WRAP73: variants seen among roughly 807,000 people sequenced by gnomAD.
The protein encoded by WRAP73 is WD repeat containing, antisense to TP73, also known as WD repeat-containing protein WRAP73.
Under a neutral mutation model 59.6 loss-of-function variants are expected in WRAP73, and 55 were observed. The observed-to-expected ratio is 0.92, with a 90% CI of 0.74 to 1.15. WRAP73 has a LOEUF of 1.15. Among genes scored for constraint, WRAP73 ranks in the 50% most tolerant of loss-of-function variants. The pLI, the probability that WRAP73 is intolerant of heterozygous loss-of-function variation, is 0.00. For synonymous variants in WRAP73, 265 were observed against 258.2 expected (o/e 1.03, Z -0.25); for missense variants, 592 against 608.1 (o/e 0.97, Z 0.28).
rs1570296217 is a variant in WRAP73, at chr1:3,635,282, G to A, written c.616C>T (p.Leu206=). 2.5e-6 allele frequency: 4 copies of A among 1,613,784 alleles called. No individual in the cohort carries two copies. The Admixed American group carries it at 6.7e-5, about 27-fold the overall frequency. The change falls in exon 7 of 12, where the codon CTG becomes TTG. Residue 206 remains leucine, a synonymous_variant. Transcript: ENST00000270708. ...WDTCLEYKIL[L]YSLDGRLLST... ...AACAACCGGCCATCCAATGAGTACA[G>A]CAGAATCTTGTACTGCAGATGAGAC... is the stretch of plus-strand genomic sequence containing the variant.
intron 3 of WRAP73, among the ~76,000 whole-genome samples, chr1:3,641,625 C>A (rs1449986036): frequency 6.6e-6 from 1 of 152,214 alleles, no homozygotes; most frequent in Non-Finnish European, 1.5e-5. Flanking sequence ...GCACGAGGAG[C>A]CCCATGCCAC....
intron 7 of WRAP73, 42 bp from the exon 8 acceptor site, chr1:3,635,116 C>T (rs1409895887): frequency 5.0e-6 from 8 of 1,614,066 alleles, no homozygotes; most frequent in Non-Finnish European, 4.2e-6. Context: ...GGGCCCGGCC[C>T]GCTGGGCGGT....
At chr1:3,640,362 G>A (rs1644627529) in intron 3 of WRAP73, among the ~76,000 whole-genome samples, 2 of 152,172 alleles carry the variant, frequency 1.3e-5, no homozygotes, top group Admixed American at 1.3e-4. Context: ...GACTCAGCAG[G>A]GTGGGTGCAG....
chr1:3,635,541 C>A, intron 6 of WRAP73: 1 of 572,312 alleles, frequency 1.7e-6, no homozygotes, highest in Non-Finnish European at 3.1e-6. Context: ...TTCAACTCGG[C>A]CGGGCACTGT....
chr1:3,632,030 T>C (rs1168846997), intron 10 of WRAP73, 183 bp downstream of exon 10: 2 of 1,483,600 alleles, frequency 1.3e-6, no homozygotes, highest in East Asian at 2.3e-5. Flanking sequence ...GACCTGCGGC[T>C]GCTGCAGGAC....
chr1:3,630,816 T>C lies in WRAP73; in HGVS notation c.*159A>G. On this transcript the variant is annotated 3_prime_UTR_variant, in exon 12 of 12. Transcript: ENST00000270708. The stretch of plus-strand genomic sequence containing the variant: ...TATTTTAAATAATAAAACTACAGTT[T>C]TATACCATACATATTTACAAAAATG... 1.1e-6 allele frequency: 1 copy of C among 896,352 alleles called. No individual in the cohort carries two copies. The highest frequency in any genetic ancestry group is 1.7e-6 in the Non-Finnish European group (1 of 596,778). The allele number at this position is 896,352 out of a possible 1,614,324, so 55.5% of individuals were successfully genotyped here. A position where few individuals can be genotyped will look rare whatever the true frequency, so the allele number is the denominator to read the frequency against.
intron 6 of WRAP73, 75 bp from the exon 7 acceptor site, chr1:3,635,369 A>G: frequency 6.3e-7 from 1 of 1,586,220 alleles, no homozygotes. Context: ...CGGGTGCTGC[A>G]GAGTGACATT....
At chr1:3,633,660 A>G (rs1441677519) in intron 8 of WRAP73, 157 bp from the exon 9 acceptor site, 3 of 611,894 alleles carry the variant, frequency 4.9e-6, no homozygotes, top group Non-Finnish European at 8.6e-6. Context: ...CGAACCCCGC[A>G]GTCCCGAGAG....
At chr1:3,645,446 C>A (rs1179734641) in intron 3 of WRAP73, among the ~76,000 whole-genome samples, 1 of 104,454 alleles carries the variant, frequency 9.6e-6, no homozygotes, top group Non-Finnish European at 2.4e-5. Flanking sequence ...CGGGTTGCCC[C>A]GTGGTGTGCG....
At position 3,642,737 on chromosome 1, in the gene WRAP73, C is replaced by CAA. The variant is rs35743795; in HGVS notation, c.340-3917_340-3916dup. The stretch of plus-strand genomic sequence containing the variant: ...GGGGGACAAGAGCGAAACTCCATCT[C>CAA]AAAAAAAAAAAAAAAAAAATGCTGC... On this transcript the variant is annotated intron_variant, in intron 3 of 11. Coordinates refer to ENST00000270708, the MANE Select transcript of WRAP73 (RefSeq NM_017818.4). 6.2e-3 allele frequency among the ~76,000 whole-genome samples: 600 copies of CAA among 96,586 alleles called. 8 individuals are homozygous for CAA. The highest frequency in any genetic ancestry group is 0.024 in the African/African-American group (572 of 23,408). 63.4% of individuals were successfully genotyped at this position (96,586 alleles called of 152,430 possible). A position where few individuals can be genotyped will look rare whatever the true frequency, so the allele number is the denominator to read the frequency against.
rs376319228 is a variant in WRAP73 at position 3,632,224 on chromosome 1, G to A, written c.1037C>T (p.Ala346Val). ...LAFSPDSYFL[A>V]TRNDNIPNAV... ...TCAGCACAACTGACCGTTCCTTGTCGCCAGGAAGTAGCTGTCAGGACTAAA... is the reference window on the plus strand; with the variant it reads ...TCAGCACAACTGACCGTTCCTTGTCACCAGGAAGTAGCTGTCAGGACTAAA... Residue 346 changes from alanine to valine, a missense_variant, in exon 10 of 12, where the codon GCG (alanine) becomes GTG (valine). By Grantham distance (64) the Ala-to-Val change is moderately conservative. Transcript: ENST00000270708. The A allele has an allele frequency of 8.1e-6, 13 of 1,613,444 alleles. No homozygotes were observed. The highest frequency in any genetic ancestry group is 3.3e-5 in the South Asian group (3 of 91,046).
In WRAP73 at chr1:3,635,972, A is replaced by G. The variant is rs1644585580; in HGVS notation, c.575T>C (p.Val192Ala). The change falls in exon 6 of 12, where the codon GTG becomes GCG. Residue 192 changes from valine to alanine, a missense_variant. Val to Ala is a moderately conservative substitution (Grantham distance 64). Transcript: ENST00000270708. Reference sequence around the variant, plus strand: ...CAAGCAGGTGTCCCACACTGCCAGCACACAGCCGTTTGGGGCCCACTCAAT... The same window carrying G: ...CAAGCAGGTGTCCCACACTGCCAGCGCACAGCCGTTTGGGGCCCACTCAAT... ...TGIEWAPNGC[V>A]LAVWDTCLEY... The G allele has an allele frequency of 6.2e-7, 1 of 1,614,100 alleles. No individual in the cohort carries two copies. Among genetic ancestry groups the G allele is most frequent in the East Asian group, 2.2e-5 (1 of 44,888 alleles).
intron 4 of WRAP73, among the ~76,000 whole-genome samples, chr1:3,638,089 G>A (rs977317858): frequency 2.6e-5 from 4 of 152,148 alleles, no homozygotes; most frequent in Non-Finnish European, 5.9e-5. Context: ...TTTCCAAACC[G>A]CTGGCAGCAA....
intron 3 of WRAP73, among the ~76,000 whole-genome samples, chr1:3,643,047 C>T (rs891314130): frequency 1.3e-5 from 2 of 152,232 alleles, no homozygotes; most frequent in African/African-American, 4.8e-5. Flanking sequence ...GGGTATGTGC[C>T]CAGGAGACGG....
At chr1:3,636,879 A>T (rs751112094) in intron 5 of WRAP73, 116 bp downstream of exon 5, 33 of 1,097,936 alleles carry the variant, frequency 3.0e-5, no homozygotes, top group Non-Finnish European at 2.7e-6. Flanking sequence ...TTGTTAATAC[A>T]ACATCACCTT....
intron 6 of WRAP73, 151 bp downstream of exon 6, chr1:3,635,793 C>G: frequency 1.5e-6 from 1 of 683,242 alleles, no homozygotes; most frequent in East Asian, 2.8e-5. Context: ...TGCACTCCAG[C>G]CTGGGTGACA....
rs1423766009 is a variant in WRAP73, at chr1:3,639,931, A to G, written c.340-1109T>C. 6.6e-6 allele frequency among the ~76,000 whole-genome samples: 1 copy of G among 152,222 alleles called. No individual in the cohort carries two copies. Among genetic ancestry groups the G allele is most frequent in the Non-Finnish European group, 1.5e-5 (1 of 68,026 alleles). The stretch of plus-strand genomic sequence containing the variant: ...AGTGGGGCCGCAGCGTGTGGGGCAC[A>G]GCATGTCCACAGTGTCACTCCTGCA... On this transcript the variant is annotated intron_variant, in intron 3 of 11. Transcript: ENST00000270708. This position sits in a 1 kb window ranked among gnomAD's most constrained non-coding sequence, Gnocchi z 4.3.
chr1:3,638,848 A>G (rs775150565), intron 3 of WRAP73, 26 bp from the exon 4 acceptor site: 1 of 1,612,958 alleles, frequency 6.2e-7, no homozygotes, highest in South Asian at 1.1e-5. Context: ...GGAAAGAGAA[A>G]GGAAACACTT....
At chr1:3,631,767 T>G in intron 10 of WRAP73, 110 bp from the exon 11 acceptor site, 2 of 1,466,280 alleles carry the variant, frequency 1.4e-6, no homozygotes, top group Non-Finnish European at 1.8e-6. Flanking sequence ...GAAGAACCGG[T>G]GGGGTGGGGC....
Sources: allele counts gnomAD v4.1 joint callset (sites outside exome capture counted in the v4.1 genomes callset), GRCh38; gene constraint gnomAD v4.1.1; non-coding constraint Gnocchi (gnomAD v3.1); transcripts MANE v1.5; gene names NCBI Gene and HGNC (gene_info 2026-07-23, HGNC 2026-07-21).